ELAVL2: variants seen among roughly 807,000 people sequenced by gnomAD.
ELAVL2 encodes ELAV like RNA binding protein 2, also known as ELAV-like protein 2.
ELAVL2 carries 4 observed loss-of-function variants against 34.6 expected under a neutral mutation model. That is an observed-to-expected ratio of 0.12 (90% CI 0.06 to 0.26). ELAVL2 has a LOEUF of 0.26. Ranked by LOEUF, ELAVL2 falls within the 10% of genes least tolerant of loss-of-function variation. ELAVL2 has a pLI of 1.00. For synonymous variants in ELAVL2, 193 were observed against 154.8 expected (o/e 1.25, Z -1.83); for missense variants, 432 against 442.8 (o/e 0.98, Z 0.22).
At chr9:23,835,055 A>G in the ELAVL2 span, among the ~76,000 whole-genome samples, 1 of 152,050 alleles carries the variant, frequency 6.6e-6, no homozygotes, top group Admixed American at 6.6e-5. Context: ...TCTAAGGTTC[A>G]TAGAGATAGT....
chr9:23,735,508 G>C (rs1023179656), intron 2 of ELAVL2: 2 of 152,166 alleles, frequency 1.3e-5, no homozygotes, highest in Admixed American at 1.3e-4. Context: ...CGAACTCCTG[G>C]CTTCAACTGA....
At chr9:23,843,730 T>C in the ELAVL2 span, among the ~76,000 whole-genome samples, 35 of 152,240 alleles carry the variant, frequency 2.3e-4, no homozygotes, top group East Asian at 6.8e-3. Context: ...ATTATTTAAT[T>C]ACTTCTGCTT....
chr9:23,812,141 T>C (rs2063096287), intron 1 of ELAVL2, among the ~76,000 whole-genome samples: 1 of 151,986 alleles, frequency 6.6e-6, no homozygotes, highest in East Asian at 1.9e-4. Context: ...TAAGTTATCA[T>C]TTTCTGCCTC....
chr9:23,762,815 T>C (rs1285944269), intron 1 of ELAVL2, among the ~76,000 whole-genome samples: 2 of 152,114 alleles, frequency 1.3e-5, no homozygotes, highest in Non-Finnish European at 2.9e-5. Context: ...GAAAACGTTT[T>C]TGATGGACAA....
chr9:23,740,158 C>T (rs559631169), intron 2 of ELAVL2, among the ~76,000 whole-genome samples: 3 of 152,210 alleles, frequency 2.0e-5, no homozygotes, highest in Admixed American at 6.5e-5. Flanking sequence ...GTAAGTTTGT[C>T]GGGGAAAAAT....
chr9:23,785,234 G>A (rs1187576576), intron 1 of ELAVL2, among the ~76,000 whole-genome samples: 1 of 152,180 alleles, frequency 6.6e-6, no homozygotes, highest in Admixed American at 6.5e-5. Context: ...AGAGTTCACA[G>A]CAGCACTGTT....
chr9:23,798,768 G>T (rs535696053), intron 1 of ELAVL2, among the ~76,000 whole-genome samples: 1 of 151,950 alleles, frequency 6.6e-6, no homozygotes, highest in South Asian at 2.1e-4. Context: ...TTTCCAATAG[G>T]CCTTGTCCAT....
intron 1 of ELAVL2, among the ~76,000 whole-genome samples, chr9:23,786,802 A>AAAAAAAAAAAAAAAAAAG (rs1554747169): frequency 7.9e-6 from 1 of 127,334 alleles, no homozygotes; most frequent in Non-Finnish European, 1.6e-5. Flanking sequence ...AAAAAAAAAA[A>AAAAAAAAAAAAAAAAAAG]AGAGAGAGAG....
At chr9:23,747,589 GAGGT>G (rs1300058605) in intron 2 of ELAVL2, among the ~76,000 whole-genome samples, 1 of 152,108 alleles carries the variant, frequency 6.6e-6, no homozygotes, top group East Asian at 1.9e-4. Flanking sequence ...TACAGCTCCA[GAGGT>G]AGAAGACCTT....
At chr9:23,831,115 T>C (rs903581534), upstream of ELAVL2, among the ~76,000 whole-genome samples, 50 of 152,346 alleles carry the variant, frequency 3.3e-4, no homozygotes, top group Non-Finnish European at 5.9e-4. Context: ...CTGGCCCCTT[T>C]ACCGGGACCT....
intron 1 of ELAVL2, among the ~76,000 whole-genome samples, chr9:23,797,660 G>A (rs1474047442): frequency 1.3e-5 from 2 of 152,248 alleles, no homozygotes; most frequent in African/African-American, 4.8e-5. Context: ...GGGCGTGGTG[G>A]CTTACGCCTG....
chr9:23,801,902 G>A (rs1203059673), intron 1 of ELAVL2, among the ~76,000 whole-genome samples: 1 of 152,136 alleles, frequency 6.6e-6, no homozygotes, highest in Non-Finnish European at 1.5e-5. Flanking sequence ...GACAGGTGGA[G>A]CCCTGATTGA....
chr9:23,808,204 C>T (rs911668460), intron 1 of ELAVL2, among the ~76,000 whole-genome samples: 3 of 147,748 alleles, frequency 2.0e-5, no homozygotes, highest in Non-Finnish European at 4.5e-5. Flanking sequence ...ATGATCTTCA[C>T]TAATCACCTC....
At chr9:23,813,750 T>C (rs1274766349) in intron 1 of ELAVL2, among the ~76,000 whole-genome samples, 3 of 152,122 alleles carry the variant, frequency 2.0e-5, no homozygotes, top group Non-Finnish European at 2.9e-5. Flanking sequence ...CCAAGACAAA[T>C]CTTCTCTGAA....
rs1185248685 is a variant in ELAVL2, at chr9:23,690,579, G to A, written c.*1978C>T. On this transcript the variant is annotated 3_prime_UTR_variant, in exon 7 of 7. Coordinates refer to ENST00000397312, the MANE Select transcript of ELAVL2 (RefSeq NM_004432.5). ...CATGAAAACTCGCTTATTCACTTTA[G>A]CACGCGCCTCACAGTATATGTACTG... is the stretch of plus-strand genomic sequence containing the variant. The A allele has an allele frequency of 6.6e-6, 1 of 152,438 alleles. No individual in the cohort carries two copies. Among genetic ancestry groups the A allele is most frequent in the African/African-American group, 2.4e-5 (1 of 41,406 alleles). 9.4% of individuals were successfully genotyped at this position (152,438 alleles called of 1,614,324 possible).
chr9:23,720,025 C>T (rs1006465740), intron 3 of ELAVL2, among the ~76,000 whole-genome samples: 16 of 151,852 alleles, frequency 1.1e-4, no homozygotes, highest in African/African-American at 3.6e-4. Flanking sequence ...CGTGGTTTCA[C>T]TACATTGTCC....
chr9:23,705,146 C>G, intron 3 of ELAVL2, 75 bp from the exon 4 acceptor site: 1 of 1,557,078 alleles, frequency 6.4e-7, no homozygotes, highest in East Asian at 2.3e-5. Flanking sequence ...CAAAAACTGC[C>G]TCGGTAACTT....
rs1554719966 is a variant in ELAVL2, at chr9:23,759,754, T to TTATTTATATA, written c.229+2251_229+2252insTATATAAATA. On this transcript the variant is annotated intron_variant, in intron 2 of 6. Coordinates refer to ENST00000397312, the MANE Select transcript of ELAVL2 (RefSeq NM_004432.5). ...ATATGTGTATACATCATATATAGTA[T>TTATTTATATA]TATATATATATATATATATATATAT... Among the ~76,000 whole-genome samples, 13 of 81,352 alleles carry TTATTTATATA rather than the reference T, an allele frequency of 1.6e-4. No homozygotes were observed. In the South Asian group the frequency reaches 3.4e-3, roughly 21 times the overall value. 53.4% of individuals were successfully genotyped at this position (81,352 alleles called of 152,430 possible).
chr9:23,772,345 T>C lies in ELAVL2; in HGVS notation c.-15-10096A>G, dbSNP rs570900379. On this transcript the variant is annotated intron_variant, in intron 1 of 6. Coordinates refer to ENST00000397312, the MANE Select transcript of ELAVL2 (RefSeq NM_004432.5). ...ACTCCAAAGCAGAAAGAATGACTAA[T>C]CTTAAAGGGAAAATAAAAGACAAGG... Among the ~76,000 whole-genome samples, 5 of 152,086 alleles carry C rather than the reference T, an allele frequency of 3.3e-5. No homozygotes were observed. In the South Asian group the frequency reaches 1.0e-3, roughly 32 times the overall value.
Sources: gnomAD v4.1 joint callset for allele counts (sites outside exome capture counted in the v4.1 genomes callset) on GRCh38, gnomAD v4.1.1 for gene constraint, MANE v1.5 for transcripts, NCBI Gene and HGNC (gene_info 2026-07-23, HGNC 2026-07-21) for gene names.